Variants in PTDSS1 observed in about 807,000 individuals in gnomAD.
PTDSS1 encodes phosphatidylserine synthase 1, also known as PSS-1.
In PTDSS1, 45 loss-of-function variants were observed where a neutral mutation model predicts 70.5. The observed-to-expected ratio is 0.64, with a 90% confidence interval of 0.50 to 0.82. The LOEUF (loss-of-function observed/expected upper bound fraction) is 0.82. Ranked by LOEUF, PTDSS1 falls within the 40% of genes least tolerant of loss-of-function variation. PTDSS1 has a pLI of 0.00. For missense variants in PTDSS1, 417 were observed against 586.1 expected, an observed-to-expected ratio of 0.71 and a Z score of 2.98; for synonymous variants, 188 against 203.8, an observed-to-expected ratio of 0.92 and a Z score of 0.66.
At chr8:96,315,010 C>T (rs185517612) in intron 9 of PTDSS1, among the ~76,000 whole-genome samples, 22 of 152,282 alleles carry the variant, frequency 1.4e-4, no homozygotes, top group African/African-American at 5.3e-4. Context: ...ATCCAAGACC[C>T]GCTTCTCCCC....
chr8:96,333,470 C>T lies in PTDSS1; in HGVS notation c.1326C>T (p.Ser442=). ...HRKGTKGSED[S]PPKHAGNNES... ...TCCTTTGGCCAGGTTCTGAAGACAG[C>T]CCACCCAAGCATGCAGGCAACAACG... Residue 442 remains serine, a synonymous_variant, in exon 13 of 13, where the codon AGC becomes AGT. Transcript: ENST00000517309. 6.2e-7 allele frequency: 1 copy of T among 1,613,644 alleles called. No homozygotes were observed. Among genetic ancestry groups the T allele is most frequent in the African/African-American group, 1.3e-5 (1 of 74,996 alleles).
chr8:96,310,171 T>C (rs1473025808), intron 9 of PTDSS1, among the ~76,000 whole-genome samples: 3 of 146,088 alleles, frequency 2.1e-5, no homozygotes, highest in Non-Finnish European at 4.5e-5. Context: ...ATCTCTCTCT[T>C]TTTTTTTTTT....
chr8:96,275,486 C>T (rs1490821901), intron 2 of PTDSS1, among the ~76,000 whole-genome samples: 2 of 152,174 alleles, frequency 1.3e-5, no homozygotes, highest in Admixed American at 6.5e-5. Flanking sequence ...AGCTTTTTGG[C>T]TATTTGCCAA....
chr8:96,313,275 CA>C (rs1811237992), intron 9 of PTDSS1, among the ~76,000 whole-genome samples: 2 of 152,196 alleles, frequency 1.3e-5, no homozygotes, highest in South Asian at 4.1e-4. Context: ...AAAGGTGTTG[CA>C]CTCAGCAGAG....
At chr8:96,328,541 C>G (rs1188154167) in intron 10 of PTDSS1, among the ~76,000 whole-genome samples, 1 of 152,158 alleles carries the variant, frequency 6.6e-6, no homozygotes, top group African/African-American at 2.4e-5. Context: ...TAGGTATATG[C>G]CAGTTTGCAC....
chr8:96,332,890 A>G (rs1811537778), intron 12 of PTDSS1, among the ~76,000 whole-genome samples: 1 of 152,220 alleles, frequency 6.6e-6, no homozygotes, highest in African/African-American at 2.4e-5. Flanking sequence ...CAGGGGCTGA[A>G]CAAAGGCTCA....
At chr8:96,273,005 G>C (rs1176048313) in intron 1 of PTDSS1, among the ~76,000 whole-genome samples, 2 of 152,150 alleles carry the variant, frequency 1.3e-5, no homozygotes, top group African/African-American at 4.8e-5. Context: ...CAGTTGTTAG[G>C]TGTCTATTAA....
chr8:96,309,471 T>G lies in PTDSS1; in HGVS notation c.1008-86T>G. 9.9e-6 allele frequency: 13 copies of G among 1,311,924 alleles called. No homozygotes were observed. The South Asian group carries it at 1.5e-4, about 15-fold the overall frequency. The allele number at this position is 1,311,924 out of a possible 1,614,324, so 81.3% of individuals were successfully genotyped here. On this transcript the variant is annotated intron_variant, in intron 8 of 12. Coordinates refer to ENST00000517309, the MANE Select transcript of PTDSS1 (RefSeq NM_014754.3). ...CCTGACATGGGACAAGGAGGGACGT[T>G]TTTTACTTTGTCAAAGTGATTTAAT... is the stretch of plus-strand genomic sequence containing the variant.
intron 2 of PTDSS1, among the ~76,000 whole-genome samples, chr8:96,276,646 T>C (rs1170626380): frequency 6.6e-6 from 1 of 152,206 alleles, no homozygotes; most frequent in Non-Finnish European, 1.5e-5. Context: ...GCTCTGGTCA[T>C]ATCTCATATT....
chr8:96,291,140 C>T (rs1435026936), intron 4 of PTDSS1, among the ~76,000 whole-genome samples: 1 of 152,024 alleles, frequency 6.6e-6, no homozygotes, highest in Non-Finnish European at 1.5e-5. Context: ...AAGACACCAT[C>T]CCATGCTGGT....
chr8:96,318,256 G>A lies in PTDSS1; in HGVS notation c.1074-1990G>A, dbSNP rs562743209. Among the ~76,000 whole-genome samples, 16 of 152,038 alleles carry A rather than the reference G, an allele frequency of 1.1e-4. No individual in the cohort carries two copies. In the East Asian group the frequency reaches 2.3e-3, roughly 22 times the overall value. ...AGTAGAATTGCTTGAACCGGGAGGC[G>A]GAGGTTGCAGTGAGCCGCGATTGCA... On this transcript the variant is annotated intron_variant, in intron 9 of 12. Transcript: ENST00000517309.
chr8:96,286,516 A>C (rs1810824473), intron 3 of PTDSS1, among the ~76,000 whole-genome samples: 1 of 152,106 alleles, frequency 6.6e-6, no homozygotes, highest in Non-Finnish European at 1.5e-5. Flanking sequence ...CAGTCCACTT[A>C]GTTGGCTTTT....
chr8:96,275,553 A>T (rs1586183679), intron 2 of PTDSS1, among the ~76,000 whole-genome samples: 1 of 151,824 alleles, frequency 6.6e-6, no homozygotes, highest in Non-Finnish European at 1.5e-5. Context: ...TCTTATGTAG[A>T]CCCTCCTCTC....
chr8:96,323,661 C>G (rs972566136), intron 10 of PTDSS1, among the ~76,000 whole-genome samples: 4 of 152,190 alleles, frequency 2.6e-5, no homozygotes, highest in African/African-American at 9.7e-5. Context: ...CCATTCTGCC[C>G]TCTTAGAGCT....
intron 10 of PTDSS1, among the ~76,000 whole-genome samples, 175 bp from the exon 11 acceptor site, chr8:96,330,038 G>A (rs1411346006): frequency 6.6e-6 from 1 of 152,208 alleles, no homozygotes; most frequent in Non-Finnish European, 1.5e-5. Flanking sequence ...GTTGTCAGAA[G>A]CTTTGGGTGT....
At position 96,334,052 on chromosome 8, in the gene PTDSS1, T is replaced by C. The variant is rs964520637; in HGVS notation, c.*486T>C. 2.4e-6 allele frequency: 1 copy of C among 416,492 alleles called. No homozygotes were observed. Among genetic ancestry groups the C allele is most frequent in the Non-Finnish European group, 4.2e-6 (1 of 235,366 alleles). The allele number at this position is 416,492 out of a possible 1,614,324, so 25.8% of individuals were successfully genotyped here. A position where few individuals can be genotyped will look rare whatever the true frequency, so the allele number is the denominator to read the frequency against. Reference sequence around the variant, plus strand: ...GTCTTTTATTTGGTTACTGTTGTTATTTGTTTTTAAGTTAGGATGCTTTTT... The same window carrying C: ...GTCTTTTATTTGGTTACTGTTGTTACTTGTTTTTAAGTTAGGATGCTTTTT... On this transcript the variant is annotated 3_prime_UTR_variant, in exon 13 of 13. Transcript: ENST00000517309.
intron 2 of PTDSS1, among the ~76,000 whole-genome samples, chr8:96,279,049 C>T (rs1328944463): frequency 6.7e-6 from 1 of 148,772 alleles, no homozygotes; most frequent in Non-Finnish European, 1.5e-5. Flanking sequence ...TGGCTCACTG[C>T]ACCCTCCACC....
intron 4 of PTDSS1, chr8:96,287,347 CA>C: frequency 1.6e-6 from 1 of 620,788 alleles, no homozygotes; most frequent in Non-Finnish European, 2.7e-6. Flanking sequence ...TCTCATTACG[CA>C]AAGGGGTCTG....
intron 9 of PTDSS1, among the ~76,000 whole-genome samples, 163 bp from the exon 10 acceptor site, chr8:96,320,083 A>T (rs1811353412): frequency 6.6e-6 from 1 of 152,214 alleles, no homozygotes; most frequent in South Asian, 2.1e-4. Context: ...AAGTAAATGC[A>T]GTTGGCTTGA....
Sources: gnomAD v4.1 joint callset for allele counts (sites outside exome capture counted in the v4.1 genomes callset) on GRCh38, gnomAD v4.1.1 for gene constraint, MANE v1.5 for transcripts, NCBI Gene and HGNC (gene_info 2026-07-23, HGNC 2026-07-21) for gene names.